MYH6: variants seen among roughly 807,000 people sequenced by gnomAD.
MYH6 encodes myosin heavy chain 6.
A neutral mutation model predicts 223.2 loss-of-function variants in MYH6; 126 were observed. The ratio of observed to expected loss-of-function variants is 0.56; its 90% CI spans 0.49 to 0.65. The LOEUF (loss-of-function observed/expected upper bound fraction) is 0.65, where lower values mean the gene tolerates loss of function less well. Among genes scored for constraint, MYH6 ranks in the 30% least tolerant of loss-of-function variants. The pLI is 0.00. For missense variants in MYH6, 2,040 were observed against 2,536.4 expected, an observed-to-expected ratio of 0.80 and a Z score of 4.20; for synonymous variants, 978 against 1,010.2, an observed-to-expected ratio of 0.97 and a Z score of 0.61.
Position 23,389,145 on chromosome 14 carries a change from C to T in MYH6, c.3979-90G>A, listed in dbSNP as rs192099083. ...TTCTTATGTAGTACTTCAACCAAGC[C>T]CAGCCTTATTCACCATGTGGGCTGA... is the stretch of plus-strand genomic sequence containing the variant. On this transcript the variant is annotated intron_variant, in intron 28 of 38. Coordinates refer to ENST00000405093, the MANE Select transcript of MYH6 (RefSeq NM_002471.4). The T allele has an allele frequency of 1.8e-5, 26 of 1,439,486 alleles. No homozygotes were observed. In the African/African-American group the frequency reaches 3.4e-4, roughly 19 times the overall value. 89.2% of individuals were successfully genotyped at this position (1,439,486 alleles called of 1,614,324 possible).
chr14:23,403,651 C>T (rs747679187), intron 9 of MYH6, 64 bp downstream of exon 9: 32 of 1,475,558 alleles, frequency 2.2e-5, no homozygotes, highest in Middle Eastern at 1.7e-4. Flanking sequence ...TGAGACTGGC[C>T]GCCAGGCAGG....
At chr14:23,395,565 C>A (rs570317156) in intron 20 of MYH6, among the ~76,000 whole-genome samples, 1 of 151,446 alleles carries the variant, frequency 6.6e-6, no homozygotes, top group African/African-American at 2.4e-5. Flanking sequence ...CTCGCTCTGT[C>A]GCCCAGGCTA....
Position 23,387,746 on chromosome 14 carries a change from C to G in MYH6, c.4525+12G>C. The G allele has an allele frequency of 6.2e-7, 1 of 1,614,038 alleles. No homozygotes were observed. The highest frequency in any genetic ancestry group is 8.5e-7 in the Non-Finnish European group (1 of 1,179,994). The stretch of plus-strand genomic sequence containing the variant: ...ACCAACTCATCTCTGGCCTCTTGGA[C>G]CCCCAGCACACCCTGAAGGTTCTTG... On this transcript the variant is annotated intron_variant, in intron 31 of 38. Transcript: ENST00000405093.
At position 23,397,949 on chromosome 14, in the gene MYH6, C is replaced by CTTCTTT. The variant is rs1566512400; in HGVS notation, c.1892-337_1892-336insAAAGAA. On this transcript the variant is annotated intron_variant, in intron 15 of 38. Coordinates refer to ENST00000405093, the MANE Select transcript of MYH6 (RefSeq NM_002471.4). ...TCCTCCTCCTCTTCTTCTTCTTCTTCTTCTTCTTCTTCTTCTTCTTCTTCT... is the reference window on the plus strand; with the variant it reads ...TCCTCCTCCTCTTCTTCTTCTTCTTCTTCTTTTTCTTCTTCTTCTTCTTCTTCTTCT... Among the ~76,000 whole-genome samples, 561 of 78,948 alleles carry CTTCTTT rather than the reference C, an allele frequency of 7.1e-3. 12 individuals carry two copies. The highest frequency in any genetic ancestry group is 0.016 in the Middle Eastern group (3 of 186). The allele number at this position is 78,948 out of a possible 152,430, so 51.8% of individuals were successfully genotyped here.
Position 23,405,459 on chromosome 14 carries a change from T to G in MYH6, c.346-80A>C. The G allele has an allele frequency of 6.2e-7, 1 of 1,608,010 alleles. No homozygotes were observed. ...CAGTGGTGGCAGCCAGGCATGTCCCTGTTCACTCCAGCTGGCTCTACTCCT... is the reference window on the plus strand; with the variant it reads ...CAGTGGTGGCAGCCAGGCATGTCCCGGTTCACTCCAGCTGGCTCTACTCCT... On this transcript the variant is annotated intron_variant, in intron 4 of 38. Transcript: ENST00000405093. This position sits in a 1 kb window ranked among gnomAD's most constrained non-coding sequence, Gnocchi z 4.7.
rs374807345 is a variant in MYH6 at position 23,393,474 on chromosome 14, G to A, written c.2973C>T (p.Ile991=). The part of the protein sequence containing the change: ...TEEMAGLDEI[I]AKLTKEKKAL... ...CTTTCTTCTCCTTGGTCAGCTTAGC[G>A]ATGATTTCATCCAGCCCAGCCATCT... Residue 991 remains isoleucine, a synonymous_variant, in exon 23 of 39, where the codon ATC becomes ATT. Transcript: ENST00000405093. 43 of 1,613,972 alleles carry A rather than the reference G, an allele frequency of 2.7e-5. No individual in the cohort carries two copies. In the African/African-American group the frequency reaches 2.8e-4, roughly 11 times the overall value.
Position 23,390,376 on chromosome 14 carries a change from C to A in MYH6, c.3413G>T (p.Arg1138Leu), listed in dbSNP as rs745801044. 1.2e-6 allele frequency: 2 copies of A among 1,605,616 alleles called. No individual in the cohort carries two copies. Among genetic ancestry groups the A allele is most frequent in the Admixed American group, 1.7e-5 (1 of 59,372 alleles). ...RTARAKVEKL[R>L]SDLSRELEEI... ...CTCCAGCTCCCGAGACAGGTCTGAG[C>A]GCAGCTTCTCCACCTTAGCCCTGGC... The change falls in exon 26 of 39, where the codon CGC becomes CTC. Residue 1138 changes from arginine to leucine, a missense_variant. Around this residue, in one of 4 missense-constraint regions of MYH6, gnomAD observed 1,203 missense variants for 1,400.2 expected, o/e 0.86. Coordinates refer to ENST00000405093, the MANE Select transcript of MYH6 (RefSeq NM_002471.4).
chr14:23,393,109 G>A (rs1158434698), intron 23 of MYH6, 52 bp from the exon 24 acceptor site: 1 of 1,610,798 alleles, frequency 6.2e-7, no homozygotes, highest in Middle Eastern at 1.7e-4. Flanking sequence ...AATCCATAGT[G>A]TATGCTCTTT....
chr14:23,406,041 C>T (rs532763961), intron 3 of MYH6, among the ~76,000 whole-genome samples: 2 of 152,278 alleles, frequency 1.3e-5, no homozygotes, highest in Non-Finnish European at 2.9e-5. Flanking sequence ...TGCCCATGAC[C>T]ATCACTCTTC....
At chr14:23,383,341 G>GCCCCCCCCCCCC in intron 36 of MYH6, 21 bp from the exon 37 acceptor site, 1 of 556,570 alleles carries the variant, frequency 1.8e-6, no homozygotes, top group Non-Finnish European at 3.3e-6. Context: ...GAGGGTGGGA[G>GCCCCCCCCCCCC]AAGCTGGTTT....
At position 23,389,045 on chromosome 14, in the gene MYH6, G is replaced by T. The variant is rs369949768; in HGVS notation, c.3989C>A (p.Ala1330Asp). Reference sequence around the variant, plus strand: ...GGCCGACTGCAGTGCATGGGCCAGGGCGTTCTTCGCCTGGGGAGGGGGGGG... The same window carrying T: ...GGCCGACTGCAGTGCATGGGCCAGGTCGTTCTTCGCCTGGGGAGGGGGGGG... ...QLEEEGKAKNALAHALQSARH... is the reference protein window; with the variant it reads ...QLEEEGKAKNDLAHALQSARH... The change falls in exon 29 of 39, where the codon GCC (alanine) becomes GAC (aspartate). Residue 1330 changes from alanine (A) to aspartate (D), a missense_variant. By Grantham distance (126) the Ala-to-Asp change is moderately radical (BLOSUM62 -2). This residue lies in a region of MYH6 where 1,203 missense variants were observed against 1,400.2 expected (regional missense o/e 0.86). Coordinates refer to ENST00000405093, the MANE Select transcript of MYH6 (RefSeq NM_002471.4). 4 of 1,587,300 alleles carry T rather than the reference G, an allele frequency of 2.5e-6. No homozygotes were observed. The African/African-American group carries it at 4.5e-5, about 18-fold the overall frequency.
In MYH6 at chr14:23,388,409, T is replaced by C. The variant is rs1028949326; in HGVS notation, c.4176-71A>G. On this transcript the variant is annotated intron_variant, in intron 29 of 38. Coordinates refer to ENST00000405093, the MANE Select transcript of MYH6 (RefSeq NM_002471.4). ...ACACTGGAGCCTTGGGTGGACCTCCTTCCACCCCCTCCCTATATCTCCTTG... is the reference window on the plus strand; with the variant it reads ...ACACTGGAGCCTTGGGTGGACCTCCCTCCACCCCCTCCCTATATCTCCTTG... 5.1e-6 allele frequency: 8 copies of C among 1,577,456 alleles called. No individual in the cohort carries two copies. The African/African-American group carries it at 1.1e-4, about 21-fold the overall frequency.
At position 23,382,472 on chromosome 14, in the gene MYH6, G is replaced by C; in HGVS notation, c.5752C>G (p.Gln1918Glu). The change falls in exon 38 of 39, where the codon CAG (glutamine) becomes GAG (glutamate). Residue 1918 changes from glutamine (Q) to glutamate (E), a missense_variant. Transcript: ENST00000405093. ...AEERADIAES[Q>E]VNKLRAKSRD... is the part of the protein sequence containing the mutation. The stretch of plus-strand genomic sequence containing the variant: ...CTCTTGGCTCGAAGCTTGTTGACCT[G>C]GGACTCAGCGATGTCCGCCCGCTCC... The C allele has an allele frequency of 6.2e-7, 1 of 1,614,100 alleles. No individual in the cohort carries two copies. The highest frequency in any genetic ancestry group is 8.5e-7 in the Non-Finnish European group (1 of 1,180,004).
In MYH6 at chr14:23,407,193, C is replaced by A. The variant is rs1229334328; in HGVS notation, c.31G>T (p.Ala11Ser). Residue 11 changes from alanine (A) to serine (S), a missense_variant, in exon 3 of 39, where the codon GCA becomes TCA. Physicochemically the swap from Ala to Ser is moderately conservative, Grantham distance 99. Around this residue, in one of 4 missense-constraint regions of MYH6, gnomAD observed 184 missense variants for 232.4 expected, o/e 0.79. Transcript: ENST00000405093. This position sits in a 1 kb window ranked among gnomAD's most constrained non-coding sequence, Gnocchi z 5.6. The stretch of plus-strand genomic sequence containing the variant: ...GACTTGCGGAGGTACTGGGCCGCTG[C>A]CCCAAAGTCAGCCATCTGGGCATCG... The part of the protein sequence containing the change: MTDAQMADFG[A>S]AAQYLRKSEK... 1.3e-5 allele frequency: 21 copies of A among 1,614,254 alleles called. No homozygotes were observed. Among genetic ancestry groups the A allele is most frequent in the Non-Finnish European group, 1.8e-5 (21 of 1,180,048 alleles).
At chr14:23,391,158 T>C (rs1424176098) in intron 25 of MYH6, among the ~76,000 whole-genome samples, 1 of 152,226 alleles carries the variant, frequency 6.6e-6, no homozygotes, top group African/African-American at 2.4e-5. Flanking sequence ...ATCTACCATT[T>C]TGATCTGTTG....
At chr14:23,401,662 T>C (rs923965132) in intron 12 of MYH6, among the ~76,000 whole-genome samples, 6 of 152,232 alleles carry the variant, frequency 3.9e-5, no homozygotes, top group Non-Finnish European at 7.3e-5. Context: ...CTGCTCCCTG[T>C]CTCCTTCGTT....
Position 23,389,575 on chromosome 14 carries a change from T to A in MYH6, c.3859+18A>T, listed in dbSNP as rs1595053078. 3 of 1,613,246 alleles carry A rather than the reference T, an allele frequency of 1.9e-6. No homozygotes were observed. The highest frequency in any genetic ancestry group is 2.5e-6 in the Non-Finnish European group (3 of 1,179,862). On this transcript the variant is annotated intron_variant, in intron 27 of 38. Transcript: ENST00000405093. ...GTCATGTCCTGCCCTAGGCAGGGGG[T>A]TGGTTAGGGGCACCCACCATTCTCG...
Position 23,407,502 on chromosome 14 carries a change from C to A in MYH6, c.-14+74G>T. 7.6e-7 allele frequency: 1 copy of A among 1,323,120 alleles called. No homozygotes were observed. The highest frequency in any genetic ancestry group is 9.8e-7 in the Non-Finnish European group (1 of 1,023,320). The allele number at this position is 1,323,120 out of a possible 1,614,324, so 82.0% of individuals were successfully genotyped here. A position where few individuals can be genotyped will look rare whatever the true frequency, so the allele number is the denominator to read the frequency against. On this transcript the variant is annotated intron_variant, in intron 2 of 38. Transcript: ENST00000405093. The surrounding 1 kb of genome is among the most constrained non-coding windows in gnomAD (Gnocchi z 5.6). ...GGCGCTGAGTGCTTGGGACAGCAGA[C>A]CCCTGGTCCAGCAATCCGGCTCCCA...
At position 23,397,172 on chromosome 14, in the gene MYH6, G is replaced by A. The variant is rs1400989865; in HGVS notation, c.2048C>T (p.Pro683Leu). The A allele has an allele frequency of 1.2e-6, 2 of 1,614,190 alleles. No homozygotes were observed. Among genetic ancestry groups the A allele is most frequent in the Admixed American group, 1.7e-5 (1 of 60,028 alleles). ...RCIIPNERKA[P>L]GVMDNPLVMH... is the part of the protein sequence containing the mutation. Reference sequence around the variant, plus strand: ...ACTAAGGTCTTCTCCTGGCTCACCTGGAGCCTTCCGCTCATTGGGGATGAT... The same window carrying A: ...ACTAAGGTCTTCTCCTGGCTCACCTAGAGCCTTCCGCTCATTGGGGATGAT... Residue 683 changes from proline (P) to leucine (L), a missense_variant and splice_region_variant, in exon 17 of 39, where the codon CCA (proline) becomes CTA (leucine). Pro to Leu is a moderately conservative substitution (Grantham distance 98). Transcript: ENST00000405093.
Sources: allele counts gnomAD v4.1 joint callset (sites outside exome capture counted in the v4.1 genomes callset), GRCh38; gene constraint gnomAD v4.1.1; regional missense constraint gnomAD v4.1.1; non-coding constraint Gnocchi (gnomAD v3.1); transcripts MANE v1.5; gene names NCBI Gene and HGNC (gene_info 2026-07-23, HGNC 2026-07-21).